GABRG1: variants seen among roughly 807,000 people sequenced by gnomAD.
GABRG1 encodes gamma-aminobutyric acid receptor subunit gamma-1.
A neutral mutation model predicts 49.8 loss-of-function variants in GABRG1; 49 were observed. The ratio of observed to expected loss-of-function variants is 0.98; its 90% confidence interval spans 0.78 to 1.25. The LOEUF is 1.25. Among genes scored for constraint, GABRG1 ranks in the 50% most tolerant of loss-of-function variants. The pLI is 0.00. For missense variants in GABRG1, 552 were observed against 552.3 expected, an observed-to-expected ratio of 1.00 and a Z score of 0.01; for synonymous variants, 232 against 185.1, an observed-to-expected ratio of 1.25 and a Z score of -2.06.
At chr4:46,097,704 C>T (rs1720226504) in intron 1 of GABRG1, among the ~76,000 whole-genome samples, 1 of 151,318 alleles carries the variant, frequency 6.6e-6, no homozygotes, top group Non-Finnish European at 1.5e-5. Context: ...TGACCTTAAA[C>T]CATCACAACC....
At chr4:46,048,355 G>A (rs537959851) in intron 8 of GABRG1, among the ~76,000 whole-genome samples, 1 of 148,894 alleles carries the variant, frequency 6.7e-6, no homozygotes, top group African/African-American at 2.5e-5. Context: ...GAAAAATTTG[G>A]TCATAATGGA....
chr4:46,046,372 C>T (rs542489891), intron 8 of GABRG1, among the ~76,000 whole-genome samples: 4 of 152,058 alleles, frequency 2.6e-5, no homozygotes, highest in Admixed American at 1.3e-4. Context: ...ATTGTCACAA[C>T]TGGTACTAAC....
chr4:46,087,192 A>T (rs948068459), intron 2 of GABRG1, among the ~76,000 whole-genome samples: 1 of 151,594 alleles, frequency 6.6e-6, no homozygotes, highest in Non-Finnish European at 1.5e-5. Flanking sequence ...TGTAAGACTT[A>T]TAGTAGTTCT....
At chr4:46,109,167 AT>A (rs917621366) in intron 1 of GABRG1, among the ~76,000 whole-genome samples, 51 of 149,298 alleles carry the variant, frequency 3.4e-4, no homozygotes, top group African/African-American at 8.5e-4. Flanking sequence ...TTTGGTTAGT[AT>A]TTTTTTTTAA....
intron 5 of GABRG1, among the ~76,000 whole-genome samples, chr4:46,060,149 C>T (rs765550008): frequency 5.3e-5 from 8 of 151,884 alleles, no homozygotes; most frequent in Non-Finnish European, 1.2e-4. Flanking sequence ...GAAATTTGGG[C>T]TAAAAATCTA....
intron 4 of GABRG1, 132 bp from the exon 5 acceptor site, chr4:46,064,655 C>G (rs1482281713): frequency 2.4e-6 from 1 of 413,890 alleles, no homozygotes; most frequent in Non-Finnish European, 4.4e-6. Flanking sequence ...AATAATGATT[C>G]TAAAGTCTCA....
chr4:46,064,305 G>T (rs951797097), intron 5 of GABRG1, 136 bp downstream of exon 5: 2 of 486,418 alleles, frequency 4.1e-6, no homozygotes, highest in East Asian at 3.7e-5. Flanking sequence ...TATATTATTT[G>T]TAATTATTTT....
chr4:46,103,422 G>A (rs934373835), intron 1 of GABRG1, among the ~76,000 whole-genome samples: 2 of 151,384 alleles, frequency 1.3e-5, no homozygotes, highest in Admixed American at 6.6e-5. Context: ...TTCTGGGTTA[G>A]TTAGTTGGTC....
intron 1 of GABRG1, among the ~76,000 whole-genome samples, chr4:46,118,335 C>T (rs1408836608): frequency 6.7e-6 from 1 of 150,032 alleles, no homozygotes; most frequent in African/African-American, 2.4e-5. Context: ...GAACTTATGC[C>T]TATGACAGCT....
At chr4:46,047,769 C>G (rs1427618047) in intron 8 of GABRG1, among the ~76,000 whole-genome samples, 1 of 151,998 alleles carries the variant, frequency 6.6e-6, no homozygotes, top group Admixed American at 6.6e-5. Flanking sequence ...AATTCCCTCA[C>G]AGACTCCTTG....
intron 3 of GABRG1, among the ~76,000 whole-genome samples, chr4:46,076,998 C>A (rs1238628559): frequency 6.6e-6 from 1 of 150,880 alleles, no homozygotes; most frequent in African/African-American, 2.4e-5. Flanking sequence ...TAAAATAATT[C>A]ATTACTAAAT....
chr4:46,065,698 C>A lies in GABRG1; in HGVS notation c.322-114G>T, dbSNP rs1014536033. ...TCTGCAAGTAACAGTTAAACTCAGT[C>A]TTTTCGGAGGAAAAAAATGCCATTA... On this transcript the variant is annotated intron_variant, in intron 3 of 8. Coordinates refer to ENST00000295452, the MANE Select transcript of GABRG1 (RefSeq NM_173536.4). 102 of 603,758 alleles carry A rather than the reference C, an allele frequency of 1.7e-4. No individual in the cohort carries two copies. The Middle Eastern group carries it at 2.2e-3, about 13-fold the overall frequency. 37.4% of individuals were successfully genotyped at this position (603,758 alleles called of 1,614,324 possible). A position where few individuals can be genotyped will look rare whatever the true frequency, so the allele number is the denominator to read the frequency against.
chr4:46,117,582 GT>G (rs1560376923), intron 1 of GABRG1, among the ~76,000 whole-genome samples: 1 of 107,564 alleles, frequency 9.3e-6, no homozygotes, highest in Non-Finnish European at 1.8e-5. Flanking sequence ...CTCTCTCTCT[GT>G]CTCTCTTTGT....
chr4:46,054,632 T>C (rs1718364220), intron 7 of GABRG1, among the ~76,000 whole-genome samples: 1 of 3,692 alleles, frequency 2.7e-4, no homozygotes, highest in Non-Finnish European at 6.1e-4. Context: ...AGTTCACCCA[T>C]GATTTGGCTC....
chr4:46,040,775 C>T lies in GABRG1; in HGVS notation c.*213G>A, dbSNP rs1050343698. On this transcript the variant is annotated 3_prime_UTR_variant, in exon 9 of 9. Transcript: ENST00000295452. ...AAGTAAAAATATGTGAGTATTTTAA[C>T]CTACTGGATTTTGCAACTAATCAGT... The T allele has an allele frequency of 1.0e-5, 4 of 391,556 alleles. No homozygotes were observed. Among genetic ancestry groups the T allele is most frequent in the Non-Finnish European group, 1.8e-5 (4 of 222,910 alleles). The allele number at this position is 391,556 out of a possible 1,614,324, so 24.3% of individuals were successfully genotyped here.
chr4:46,065,996 A>G (rs1718906855), intron 3 of GABRG1, among the ~76,000 whole-genome samples: 1 of 152,184 alleles, frequency 6.6e-6, no homozygotes, highest in Non-Finnish European at 1.5e-5. Context: ...TGCTGGGATT[A>G]CAGGCGTGAG....
At chr4:46,092,412 C>T (rs1020263524) in intron 2 of GABRG1, among the ~76,000 whole-genome samples, 2 of 151,798 alleles carry the variant, frequency 1.3e-5, no homozygotes, top group Non-Finnish European at 2.9e-5. Flanking sequence ...TAATAAAGTG[C>T]ATATTTTACT....
intron 5 of GABRG1, 59 bp downstream of exon 5, chr4:46,064,382 T>TA: frequency 1.1e-6 from 1 of 907,124 alleles, no homozygotes; most frequent in Non-Finnish European, 1.7e-6. Flanking sequence ...TTTTCATTTT[T>TA]AAATAAACAG....
chr4:46,060,956 A>T (rs905870419), intron 5 of GABRG1, among the ~76,000 whole-genome samples: 1 of 152,172 alleles, frequency 6.6e-6, no homozygotes, highest in African/African-American at 2.4e-5. Flanking sequence ...GTGAAATATT[A>T]GATGCAGATG....
Sources: gnomAD v4.1 joint callset for allele counts (sites outside exome capture counted in the v4.1 genomes callset) on GRCh38, gnomAD v4.1.1 for gene constraint, MANE v1.5 for transcripts, NCBI Gene and HGNC (gene_info 2026-07-23, HGNC 2026-07-21) for gene names.